Variants in RABGAP1L observed in about 807,000 individuals in gnomAD.
RABGAP1L encodes RAB GTPase activating protein 1 like.
A neutral mutation model predicts 137.7 loss-of-function variants in RABGAP1L; 63 were observed. That is an observed-to-expected ratio of 0.46 (90% CI 0.37 to 0.56). The LOEUF (loss-of-function observed/expected upper bound fraction) is 0.56. RABGAP1L is among the 20% of genes least tolerant of loss of function. The probability of loss-of-function intolerance (pLI) is 0.00; values close to 1 mark genes in which losing one functional copy is unlikely to be tolerated. For synonymous variants in RABGAP1L, 431 were observed against 433.7 expected, an observed-to-expected ratio of 0.99 and a Z score of 0.08; for missense variants, 1,095 against 1,244.0, an observed-to-expected ratio of 0.88 and a Z score of 1.80.
intron 13 of RABGAP1L, among the ~76,000 whole-genome samples, chr1:174,455,681 TATTC>T (rs760654015): frequency 1.3e-5 from 2 of 152,256 alleles, no homozygotes; most frequent in South Asian, 2.1e-4. Flanking sequence ...TCTTCACAAT[TATTC>T]ATTTACTTTT....
intron 11 of RABGAP1L, among the ~76,000 whole-genome samples, chr1:174,350,908 G>C (rs1683108294): frequency 1.8e-5 from 2 of 111,052 alleles, no homozygotes; most frequent in South Asian, 7.3e-4. Flanking sequence ...GGCCAACACA[G>C]CGAAACCCCG....
chr1:174,624,001 G>C (rs1451491539), intron 13 of RABGAP1L, among the ~76,000 whole-genome samples: 1 of 152,238 alleles, frequency 6.6e-6, no homozygotes, highest in African/African-American at 2.4e-5. Context: ...CAGAGACTAT[G>C]ACAGATGAAA....
At chr1:174,940,343 A>T (rs1665661571) in intron 19 of RABGAP1L, among the ~76,000 whole-genome samples, 1 of 150,582 alleles carries the variant, frequency 6.6e-6, no homozygotes, top group African/African-American at 2.4e-5. Flanking sequence ...ATCATAGCTC[A>T]CTGCAACCTC....
intron 13 of RABGAP1L, among the ~76,000 whole-genome samples, chr1:174,453,077 A>T (rs76476339): frequency 2.6e-5 from 4 of 152,236 alleles, no homozygotes; most frequent in African/African-American, 4.8e-5. Flanking sequence ...ATAGTTATTC[A>T]TGAAGACATC....
At chr1:174,790,175 A>T (rs1301041813) in intron 18 of RABGAP1L, among the ~76,000 whole-genome samples, 1 of 152,076 alleles carries the variant, frequency 6.6e-6, no homozygotes, top group Non-Finnish European at 1.5e-5. Context: ...ATGCCACTGC[A>T]TTCCAGTCTG....
intron 14 of RABGAP1L, among the ~76,000 whole-genome samples, chr1:174,653,085 T>G (rs933525611): frequency 6.6e-6 from 1 of 152,182 alleles, no homozygotes; most frequent in Non-Finnish European, 1.5e-5. Flanking sequence ...CCCAGAGGCT[T>G]TGTTTACACT....
At chr1:174,249,566 G>A (rs527882050) in intron 5 of RABGAP1L, among the ~76,000 whole-genome samples, 1 of 149,376 alleles carries the variant, frequency 6.7e-6, no homozygotes, top group Admixed American at 6.7e-5. Flanking sequence ...ATGTTTAAAT[G>A]TCAGAGTTGT....
At position 174,637,414 on chromosome 1, in the gene RABGAP1L, C is replaced by G. The variant is rs751561117; in HGVS notation, c.1750C>G (p.Arg584Gly). 1.2e-6 allele frequency: 2 copies of G among 1,613,064 alleles called. No individual in the cohort carries two copies. Among genetic ancestry groups the G allele is most frequent in the Non-Finnish European group, 1.7e-6 (2 of 1,179,110 alleles). ...QESVITRDIH[R>G]TFPAHDYFKD... ...GAGTGTTATTACTCGAGATATTCAT[C>G]GTACATTTCCCGCACATGATTACTT... The change falls in exon 14 of 26, where the codon CGT (arginine) becomes GGT (glycine). Residue 584 changes from arginine to glycine, a missense_variant. This residue lies in a region of RABGAP1L where 315 missense variants were observed against 324.8 expected (regional missense o/e 0.97). Coordinates refer to ENST00000681986, the MANE Select transcript of RABGAP1L (RefSeq NM_001366446.1).
chr1:174,648,516 G>T (rs186433891), intron 14 of RABGAP1L, among the ~76,000 whole-genome samples: 1 of 152,110 alleles, frequency 6.6e-6, no homozygotes, highest in Non-Finnish European at 1.5e-5. Context: ...GTGCAATTTT[G>T]AGTGAGTTTC....
intron 18 of RABGAP1L, among the ~76,000 whole-genome samples, chr1:174,797,689 G>T (rs573724999): frequency 2.9e-5 from 4 of 136,206 alleles, no homozygotes; most frequent in South Asian, 2.4e-4. Context: ...GGTGTGGGGG[G>T]ATGTGTGTGT....
At position 174,164,547 on chromosome 1, in the gene RABGAP1L, A is replaced by G. The variant is rs149265728; in HGVS notation, c.-34+4890A>G. 1.2e-3 allele frequency among the ~76,000 whole-genome samples: 177 copies of G among 152,278 alleles called. 1 individual carries two copies. Among genetic ancestry groups the G allele is most frequent in the African/African-American group, 4.0e-3 (165 of 41,560 alleles). On this transcript the variant is annotated intron_variant, in intron 1 of 25. Transcript: ENST00000681986. Reference sequence around the variant, plus strand: ...TAATGGCTTGCAAGACCAGTTGTGCATATTTCTTCCTATCTAGCTCTTTGT... The same window carrying G: ...TAATGGCTTGCAAGACCAGTTGTGCGTATTTCTTCCTATCTAGCTCTTTGT...
chr1:174,748,685 A>G (rs1001939157), intron 17 of RABGAP1L, among the ~76,000 whole-genome samples: 1 of 151,844 alleles, frequency 6.6e-6, no homozygotes, highest in Admixed American at 6.6e-5. Context: ...AGCTTGGGCA[A>G]TATAGTGAAA....
At chr1:174,559,606 A>G (rs1179739144) in intron 13 of RABGAP1L, among the ~76,000 whole-genome samples, 3 of 152,222 alleles carry the variant, frequency 2.0e-5, no homozygotes, top group East Asian at 3.8e-4. Context: ...GAGATTGAAA[A>G]TAAGACTAGA....
chr1:174,552,801 A>G (rs529534577), intron 13 of RABGAP1L, among the ~76,000 whole-genome samples: 1 of 152,262 alleles, frequency 6.6e-6, no homozygotes, highest in South Asian at 2.1e-4. Context: ...GATTCACCAC[A>G]CTATCTTCTA....
intron 19 of RABGAP1L, among the ~76,000 whole-genome samples, chr1:174,946,518 T>C (rs916409038): frequency 6.6e-6 from 1 of 152,142 alleles, no homozygotes; most frequent in Non-Finnish European, 1.5e-5. Context: ...AGGGCCTGTG[T>C]GTGTTACTTA....
rs576471588 is a variant in RABGAP1L, at chr1:174,502,729, C to CAT, written c.1710+108593_1710+108594dup. On this transcript the variant is annotated intron_variant, in intron 13 of 25. Transcript: ENST00000681986. ...ATGTGCATATATATACACACACACA[C>CAT]ATATATATATTTATATTCCAGAATA... Among the ~76,000 whole-genome samples, 8 of 150,102 alleles carry CAT rather than the reference C, an allele frequency of 5.3e-5. No individual in the cohort carries two copies. The East Asian group carries it at 7.8e-4, about 15-fold the overall frequency.
At chr1:174,714,649 G>T (rs1358374307) in intron 17 of RABGAP1L, among the ~76,000 whole-genome samples, 4 of 152,196 alleles carry the variant, frequency 2.6e-5, no homozygotes, top group African/African-American at 9.7e-5. Context: ...CTCCAGTACA[G>T]TGGGGGTTTA....
intron 13 of RABGAP1L, among the ~76,000 whole-genome samples, chr1:174,538,389 A>G (rs1285483415): frequency 2.0e-5 from 3 of 152,192 alleles, no homozygotes; most frequent in African/African-American, 7.2e-5. Context: ...AATATAAACT[A>G]CGTAAGAATA....
rs76476339 is a variant in RABGAP1L at position 174,453,077 on chromosome 1, A to C, written c.1710+58932A>C. ...GCTCGTTTCCCAGGAATAGTTATTC[A>C]TGAAGACATCGTTTGAGATTAAAGA... On this transcript the variant is annotated intron_variant, in intron 13 of 25. Transcript: ENST00000681986. 1.4e-4 allele frequency among the ~76,000 whole-genome samples: 21 copies of C among 152,354 alleles called. No individual in the cohort carries two copies. The East Asian group carries it at 4.1e-3, about 29-fold the overall frequency.
Sources: allele counts gnomAD v4.1 joint callset (sites outside exome capture counted in the v4.1 genomes callset), GRCh38; gene constraint gnomAD v4.1.1; regional missense constraint gnomAD v4.1.1; transcripts MANE v1.5; gene names NCBI Gene and HGNC (gene_info 2026-07-23, HGNC 2026-07-21).